The following VPS50 variants were observed in gnomAD, a reference collection of about 807,000 sequenced individuals.
VPS50 encodes the protein syndetin.
In VPS50, 70 loss-of-function variants were observed where a neutral mutation model predicts 139.7. The observed-to-expected ratio is 0.50, with a 90% confidence interval of 0.41 to 0.61. The LOEUF is 0.61. VPS50 is among the 20% of genes least tolerant of loss of function. VPS50 has a pLI of 0.00. For synonymous variants in VPS50, 365 were observed against 376.7 expected (o/e 0.97, Z 0.36); for missense variants, 921 against 1,133.7 (o/e 0.81, Z 2.69).
At chr7:93,341,990 G>T (rs113440568) in intron 23 of VPS50, among the ~76,000 whole-genome samples, 1 of 152,230 alleles carries the variant, frequency 6.6e-6, no homozygotes, top group African/African-American at 2.4e-5. Flanking sequence ...TGGCCGAATA[G>T]GAACAGCTCC....
At chr7:93,295,968 T>C (rs1292409588) in intron 14 of VPS50, among the ~76,000 whole-genome samples, 1 of 152,124 alleles carries the variant, frequency 6.6e-6, no homozygotes, top group Non-Finnish European at 1.5e-5. Context: ...CCAAGTGATA[T>C]TCCTGCCTTG....
chr7:93,320,199 A>G (rs181539760), intron 20 of VPS50, among the ~76,000 whole-genome samples: 3 of 152,256 alleles, frequency 2.0e-5, no homozygotes, highest in Admixed American at 6.5e-5. Flanking sequence ...TGTGAAATAT[A>G]GGAAAGGGCT....
chr7:93,261,534 C>T (rs1193504381), intron 9 of VPS50, among the ~76,000 whole-genome samples: 4 of 151,788 alleles, frequency 2.6e-5, no homozygotes, highest in South Asian at 2.1e-4. Context: ...AAAAATTAGC[C>T]GGGCCTGGTG....
chr7:93,282,038 A>C (rs1462722971), intron 12 of VPS50, among the ~76,000 whole-genome samples: 1 of 151,966 alleles, frequency 6.6e-6, no homozygotes, highest in Non-Finnish European at 1.5e-5. Context: ...CCCTGTCTCT[A>C]CTAAAAATAC....
At chr7:93,281,978 G>A (rs1339723277) in intron 12 of VPS50, among the ~76,000 whole-genome samples, 1 of 152,154 alleles carries the variant, frequency 6.6e-6, no homozygotes, top group Non-Finnish European at 1.5e-5. Context: ...GCTGAGGCGG[G>A]TGGATCACGA....
intron 12 of VPS50, among the ~76,000 whole-genome samples, chr7:93,290,184 T>C (rs182868961): frequency 6.6e-6 from 1 of 152,178 alleles, no homozygotes; most frequent in Admixed American, 6.6e-5. Context: ...ATTGGTTCTC[T>C]AGGAATTTCT....
At chr7:93,281,471 C>G (rs529308642) in intron 12 of VPS50, among the ~76,000 whole-genome samples, 1 of 152,210 alleles carries the variant, frequency 6.6e-6, no homozygotes, top group African/African-American at 2.4e-5. Context: ...TGTATTGACT[C>G]TCTTTACTAT....
chr7:93,263,993 A>G (rs1341133581), intron 9 of VPS50, among the ~76,000 whole-genome samples: 1 of 152,226 alleles, frequency 6.6e-6, no homozygotes, highest in East Asian at 1.9e-4. Context: ...TTTAAAGTAT[A>G]AGGAGGATGC....
chr7:93,338,672 T>A (rs1347908229), intron 22 of VPS50, among the ~76,000 whole-genome samples: 1 of 152,178 alleles, frequency 6.6e-6, no homozygotes, highest in Non-Finnish European at 1.5e-5. Flanking sequence ...TAGAGTCAGT[T>A]GTAAACAGGT....
intron 26 of VPS50, 42 bp downstream of exon 26, chr7:93,353,803 A>C (rs780991266): frequency 7.6e-6 from 11 of 1,452,970 alleles, no homozygotes; most frequent in African/African-American, 2.8e-5. Flanking sequence ...TTTAATGACA[A>C]ATTGTAATAT....
At chr7:93,346,656 A>T (rs1414565302) in intron 23 of VPS50, among the ~76,000 whole-genome samples, 19 of 150,774 alleles carry the variant, frequency 1.3e-4, no homozygotes, top group Non-Finnish European at 1.8e-4. Context: ...AACAGAGCCC[A>T]CAGAAATAAC....
At chr7:93,237,907 C>T (rs1417981554) in intron 1 of VPS50, among the ~76,000 whole-genome samples, 1 of 152,182 alleles carries the variant, frequency 6.6e-6, no homozygotes, top group East Asian at 1.9e-4. Flanking sequence ...ACCCTCTACC[C>T]TCAGGCAGTC....
chr7:93,291,449 T>C (rs549029387), intron 12 of VPS50, among the ~76,000 whole-genome samples: 3 of 152,208 alleles, frequency 2.0e-5, no homozygotes, highest in Non-Finnish European at 2.9e-5. Flanking sequence ...GTAATTTCTT[T>C]ATGGTTCTGT....
At chr7:93,305,448 G>T (rs1363970041) in intron 17 of VPS50, among the ~76,000 whole-genome samples, 2 of 151,066 alleles carry the variant, frequency 1.3e-5, no homozygotes, top group African/African-American at 4.9e-5. Flanking sequence ...AAAAAGAGAA[G>T]TGTTTAACAA....
intron 9 of VPS50, among the ~76,000 whole-genome samples, chr7:93,259,879 T>C (rs1378610799): frequency 6.6e-6 from 1 of 152,190 alleles, no homozygotes; most frequent in African/African-American, 2.4e-5. Flanking sequence ...TTTTTTCCAA[T>C]CCAACTGATT....
intron 16 of VPS50, among the ~76,000 whole-genome samples, chr7:93,301,084 C>G (rs1028349676): frequency 6.6e-6 from 1 of 152,058 alleles, no homozygotes; most frequent in African/African-American, 2.4e-5. Context: ...ATCACGAGGT[C>G]AAGAGTTCAA....
At chr7:93,348,033 AAAGT>A (rs1798453523) in intron 23 of VPS50, among the ~76,000 whole-genome samples, 1 of 152,174 alleles carries the variant, frequency 6.6e-6, no homozygotes, top group Non-Finnish European at 1.5e-5. Flanking sequence ...ATAAATCCCT[AAAGT>A]TAGTAATACA....
chr7:93,341,391 T>G (rs1332854002), intron 22 of VPS50, 36 bp from the exon 23 acceptor site: 2 of 1,498,192 alleles, frequency 1.3e-6, no homozygotes, highest in African/African-American at 1.4e-5. Flanking sequence ...ACTGTTAGAT[T>G]TGTTATTCCA....
At chr7:93,278,733 A>G (rs1013431864) in intron 12 of VPS50, among the ~76,000 whole-genome samples, 1 of 151,652 alleles carries the variant, frequency 6.6e-6, no homozygotes, top group African/African-American at 2.4e-5. Context: ...TCCCCAAGAA[A>G]CTTCTGGTAC....
Sources: allele counts gnomAD v4.1 joint callset (sites outside exome capture counted in the v4.1 genomes callset), GRCh38; gene constraint gnomAD v4.1.1; transcripts MANE v1.5; gene names NCBI Gene and HGNC (gene_info 2026-07-23, HGNC 2026-07-21).